RBFOX1: variants seen among roughly 807,000 people sequenced by gnomAD.
RBFOX1 encodes RNA binding fox-1 homolog 1.
A neutral mutation model predicts 57.7 loss-of-function variants in RBFOX1; 8 were observed. The observed-to-expected ratio is 0.14, with a 90% CI of 0.08 to 0.25. RBFOX1 has a LOEUF of 0.25. Ranked by LOEUF, RBFOX1 falls within the 10% of genes least tolerant of loss-of-function variation. RBFOX1 has a pLI of 1.00. For missense variants in RBFOX1, 611 were observed against 548.5 expected (o/e 1.11, Z -1.14); for synonymous variants, 326 against 222.4 (o/e 1.47, Z -4.15).
At chr16:6,075,473 A>C (rs2095885298) in intron 1 of RBFOX1, among the ~76,000 whole-genome samples, 1 of 152,242 alleles carries the variant, frequency 6.6e-6, no homozygotes, top group South Asian at 2.1e-4. Flanking sequence ...CATCAGAATA[A>C]AATACTGCTT....
chr16:5,647,123 T>C (rs1044622131), intron 3 of RBFOX1, among the ~76,000 whole-genome samples: 1 of 152,222 alleles, frequency 6.6e-6, no homozygotes, highest in African/African-American at 2.4e-5. Flanking sequence ...GTGTGTGTTT[T>C]AATGCATCAG....
intron 2 of RBFOX1, among the ~76,000 whole-genome samples, chr16:6,551,118 C>T (rs1403187628): frequency 6.6e-6 from 1 of 152,172 alleles, no homozygotes; most frequent in Non-Finnish European, 1.5e-5. Context: ...GGTTACAGAG[C>T]TCAACTCTCT....
chr16:5,587,380 A>G (rs1480798272), intron 2 of RBFOX1, among the ~76,000 whole-genome samples: 4 of 152,246 alleles, frequency 2.6e-5, no homozygotes, highest in Admixed American at 1.3e-4. Context: ...CTGCAGGGAG[A>G]TACCACTGCA....
At chr16:5,466,891 C>T (rs898592762) in intron 1 of RBFOX1, among the ~76,000 whole-genome samples, 2 of 152,196 alleles carry the variant, frequency 1.3e-5, no homozygotes, top group African/African-American at 4.8e-5. Flanking sequence ...CCCCGTAATT[C>T]ATCTTGTTAT....
intron 2 of RBFOX1, among the ~76,000 whole-genome samples, chr16:6,368,247 C>G (rs74007306): frequency 0.064 from 9,682 of 152,158 alleles, 1,017 homozygotes; most frequent in African/African-American, 0.22. Context: ...AGCTGGATCT[C>G]TCTTAATCCA....
chr16:7,558,327 C>A (rs1031797438), intron 5 of RBFOX1, among the ~76,000 whole-genome samples: 2 of 151,970 alleles, frequency 1.3e-5, no homozygotes, highest in African/African-American at 4.8e-5. Flanking sequence ...GCACTCTAGC[C>A]TTTGTGACAA....
chr16:5,523,616 A>C (rs2044114476), intron 2 of RBFOX1, among the ~76,000 whole-genome samples: 1 of 151,302 alleles, frequency 6.6e-6, no homozygotes, highest in Non-Finnish European at 1.5e-5. Flanking sequence ...GACCCTGTCT[A>C]AAACAAACAA....
chr16:5,941,826 A>C (rs1208868092), intron 4 of RBFOX1, among the ~76,000 whole-genome samples: 1 of 152,026 alleles, frequency 6.6e-6, no homozygotes, highest in Non-Finnish European at 1.5e-5. Context: ...TGCGAAATAG[A>C]CAAGAGAGCC....
At chr16:5,752,588 C>A (rs1268614223) in intron 3 of RBFOX1, among the ~76,000 whole-genome samples, 3 of 152,140 alleles carry the variant, frequency 2.0e-5, no homozygotes, top group Non-Finnish European at 2.9e-5. Context: ...CTTATTTTCT[C>A]CCTTCAGAGA....
chr16:6,965,165 T>C (rs1179326706), intron 3 of RBFOX1, among the ~76,000 whole-genome samples: 1 of 152,094 alleles, frequency 6.6e-6, no homozygotes, highest in Admixed American at 6.6e-5. Flanking sequence ...CTGCTGCAGA[T>C]TGCTGTGGTG....
At chr16:6,404,536 A>C (rs982960460) in intron 2 of RBFOX1, among the ~76,000 whole-genome samples, 1 of 151,920 alleles carries the variant, frequency 6.6e-6, no homozygotes, top group South Asian at 2.1e-4. Flanking sequence ...TGTGTTCTCT[A>C]CTCTAATATT....
chr16:6,465,237 A>G (rs893550311), intron 2 of RBFOX1, among the ~76,000 whole-genome samples: 1 of 152,196 alleles, frequency 6.6e-6, no homozygotes, highest in Non-Finnish European at 1.5e-5. Flanking sequence ...TTATTTGGAA[A>G]AAGAAAGTGG....
At chr16:5,913,147 G>A (rs768220540) in intron 4 of RBFOX1, among the ~76,000 whole-genome samples, 4 of 152,180 alleles carry the variant, frequency 2.6e-5, no homozygotes, top group Non-Finnish European at 5.9e-5. Flanking sequence ...CAGCTTGTGG[G>A]TGTATGATAA....
At chr16:7,111,354 C>G (rs1022884583) in intron 4 of RBFOX1, among the ~76,000 whole-genome samples, 2 of 152,146 alleles carry the variant, frequency 1.3e-5, no homozygotes, top group Non-Finnish European at 2.9e-5. Flanking sequence ...CTGAGCGGCA[C>G]TGTTTTCCCT....
intron 4 of RBFOX1, among the ~76,000 whole-genome samples, chr16:7,137,736 A>G (rs1189134095): frequency 2.0e-5 from 3 of 152,182 alleles, no homozygotes; most frequent in African/African-American, 7.2e-5. Flanking sequence ...TAATGGTGGT[A>G]AACTCGAACA....
chr16:6,223,922 C>G (rs1157831491), intron 1 of RBFOX1, among the ~76,000 whole-genome samples: 3 of 152,186 alleles, frequency 2.0e-5, no homozygotes. Context: ...CTCCATATGG[C>G]TAGCCAGTTT....
intron 2 of RBFOX1, among the ~76,000 whole-genome samples, chr16:6,384,269 A>C (rs564312517): frequency 2.0e-5 from 3 of 152,148 alleles, no homozygotes; most frequent in African/African-American, 7.2e-5. Context: ...TCAGCAATGA[A>C]TCCTGTTTGA....
At chr16:6,478,419 ATATATATATATTTTTTTT>A (rs1432776588) in intron 2 of RBFOX1, among the ~76,000 whole-genome samples, 301 of 13,806 alleles carry the variant, frequency 0.022, 2 homozygotes, top group African/African-American at 0.069. Flanking sequence ...ATATATATAT[ATATATATATATTTTTTTT>A]TTTTTTTTTT....
intron 4 of RBFOX1, among the ~76,000 whole-genome samples, chr16:7,342,457 T>C (rs1481985632): frequency 1.3e-5 from 2 of 152,224 alleles, no homozygotes; most frequent in African/African-American, 4.8e-5. Flanking sequence ...GCAATCCGAT[T>C]TGACAATCAG....
Sources: gnomAD v4.1 joint callset for allele counts (sites outside exome capture counted in the v4.1 genomes callset) on GRCh38, gnomAD v4.1.1 for gene constraint, MANE v1.5 for transcripts, NCBI Gene and HGNC (gene_info 2026-07-23, HGNC 2026-07-21) for gene names.